Variants in ADH5 observed in about 807,000 individuals in gnomAD.
ADH5 encodes the protein alcohol dehydrogenase class-3.
Under a neutral mutation model 40.3 loss-of-function variants are expected in ADH5, and 32 were observed. The ratio of observed to expected loss-of-function variants is 0.79; its 90% CI spans 0.60 to 1.07. The LOEUF (loss-of-function observed/expected upper bound fraction) is 1.07, where lower values mean the gene tolerates loss of function less well. Ranked by LOEUF, ADH5 falls within the 50% of genes least tolerant of loss-of-function variation. The probability of loss-of-function intolerance (pLI) is 0.00; values close to 1 mark genes in which losing one functional copy is unlikely to be tolerated. For missense variants in ADH5, 353 were observed against 460.5 expected, an observed-to-expected ratio of 0.77 and a Z score of 2.14; for synonymous variants, 125 against 154.3, an observed-to-expected ratio of 0.81 and a Z score of 1.41.
rs1184687371 is a variant in ADH5, at chr4:99,071,322, A to G, written c.*1095T>C. On this transcript the variant is annotated 3_prime_UTR_variant, in exon 9 of 9. Coordinates refer to ENST00000296412, the MANE Select transcript of ADH5 (RefSeq NM_000671.4). ...AATTTGGCAATGTCTATAAGGCTAAATGTGTTTATTCTGTGATACGTCTTA... is the reference window on the plus strand; with the variant it reads ...AATTTGGCAATGTCTATAAGGCTAAGTGTGTTTATTCTGTGATACGTCTTA... 2.6e-5 allele frequency: 4 copies of G among 152,238 alleles called. No homozygotes were observed. Among genetic ancestry groups the G allele is most frequent in the Non-Finnish European group, 5.9e-5 (4 of 68,042 alleles). 9.4% of individuals were successfully genotyped at this position (152,238 alleles called of 1,614,324 possible).
chr4:99,075,170 T>A, intron 6 of ADH5, 121 bp from the exon 7 acceptor site: 1 of 789,344 alleles, frequency 1.3e-6, no homozygotes, highest in Non-Finnish European at 1.9e-6. Context: ...AGGCCAAACT[T>A]AACATTTAGT....
chr4:99,087,599 G>A (rs1154405), intron 1 of ADH5, among the ~76,000 whole-genome samples: 120,041 of 152,152 alleles, frequency 0.79, 47,917 homozygotes, highest in East Asian at 1. Flanking sequence ...ATGCAACATA[G>A]GAATCCAAAG....
chr4:99,087,436 T>A (rs1728168603), intron 1 of ADH5, among the ~76,000 whole-genome samples: 1 of 149,220 alleles, frequency 6.7e-6, no homozygotes, highest in Non-Finnish European at 1.5e-5. Flanking sequence ...ATTGGTGAGG[T>A]TGGAAATGTG....
At chr4:99,075,217 T>C in intron 6 of ADH5, 168 bp from the exon 7 acceptor site, 1 of 355,736 alleles carries the variant, frequency 2.8e-6, no homozygotes, top group Non-Finnish European at 4.1e-6. Context: ...ATTTTAATTT[T>C]TTTTGTTGTT....
rs188349916 is a variant in ADH5 at position 99,072,459 on chromosome 4, A to G, written c.1101-18T>C. 3.7e-6 allele frequency: 6 copies of G among 1,612,854 alleles called. No individual in the cohort carries two copies. The highest frequency in any genetic ancestry group is 3.3e-5 in the Admixed American group (2 of 59,958). ...TTCGAATGCTGTAAAAGGAAGCAAC[A>G]TACTAAGTTTTAAATGATACCTTTA... On this transcript the variant is annotated intron_variant, in intron 8 of 8. Coordinates refer to ENST00000296412, the MANE Select transcript of ADH5 (RefSeq NM_000671.4).
intron 2 of ADH5, among the ~76,000 whole-genome samples, chr4:99,084,374 A>T (rs1488880864): frequency 6.6e-6 from 1 of 152,232 alleles, no homozygotes; most frequent in Non-Finnish European, 1.5e-5. Flanking sequence ...TTCAAGGCTC[A>T]TTATAGGCTA....
intron 4 of ADH5, 62 bp from the exon 5 acceptor site, chr4:99,076,985 A>C: frequency 8.3e-7 from 1 of 1,204,118 alleles, no homozygotes; most frequent in Non-Finnish European, 1.2e-6. Context: ...CACAGGAAAA[A>C]GAAATGTTTT....
intron 2 of ADH5, among the ~76,000 whole-genome samples, chr4:99,082,458 TG>T (rs1207112830): frequency 6.6e-6 from 1 of 152,232 alleles, no homozygotes; most frequent in Non-Finnish European, 1.5e-5. Context: ...AACCATCGCC[TG>T]TGTGCAAAAC....
Position 99,076,929 on chromosome 4 carries a change from GAAAA to G in ADH5, c.345-10_345-7del, listed in dbSNP as rs753510568. 7.3e-5 allele frequency: 112 copies of G among 1,532,328 alleles called. No individual in the cohort carries two copies. Among genetic ancestry groups the G allele is most frequent in the Non-Finnish European group, 8.7e-5 (99 of 1,137,704 alleles). 94.9% of individuals were successfully genotyped at this position (1,532,328 alleles called of 1,614,324 possible). ...ATCCTTTCCCTTGAGTGACTCTAAA[GAAAA>G]AAAAAGGAAAAAGGCAAGTTGGAAT... On this transcript the variant is annotated splice_region_variant and splice_polypyrimidine_tract_variant and intron_variant, in intron 4 of 8. Transcript: ENST00000296412.
intron 4 of ADH5, among the ~76,000 whole-genome samples, chr4:99,081,019 G>T (rs909073748): frequency 6.6e-5 from 10 of 152,148 alleles, no homozygotes; most frequent in African/African-American, 2.4e-4. Flanking sequence ...TGAAGACTCT[G>T]TTTCTCTAGC....
intron 6 of ADH5, 22 bp downstream of exon 6, chr4:99,076,266 TAAAA>T: frequency 6.2e-7 from 1 of 1,602,872 alleles, no homozygotes; most frequent in Non-Finnish European, 8.5e-7. Context: ...TTCCATAAAC[TAAAA>T]AGGAATGAAG....
chr4:99,087,499 G>A (rs1050606780), intron 1 of ADH5, among the ~76,000 whole-genome samples: 1 of 152,004 alleles, frequency 6.6e-6, no homozygotes, highest in African/African-American at 2.4e-5. Flanking sequence ...ATAGTACAAA[G>A]AATCAGACAC....
intron 7 of ADH5, 92 bp downstream of exon 7, chr4:99,074,822 G>T: frequency 7.1e-7 from 1 of 1,400,102 alleles, no homozygotes; most frequent in East Asian, 2.4e-5. Context: ...GAAGATTCTT[G>T]TTAATATAAA....
chr4:99,076,925 T>C lies in ADH5; in HGVS notation c.345-2A>G. 1 of 1,590,136 alleles carries C rather than the reference T, an allele frequency of 6.3e-7. No individual in the cohort carries two copies. Among genetic ancestry groups the C allele is most frequent in the East Asian group, 2.2e-5 (1 of 44,664 alleles). On this transcript the variant is annotated splice_acceptor_variant, in intron 4 of 8. Coordinates refer to ENST00000296412, the MANE Select transcript of ADH5 (RefSeq NM_000671.4). LOFTEE classifies it high-confidence loss of function. ...ATTAATCCTTTCCCTTGAGTGACTCTAAAGAAAAAAAAAGGAAAAAGGCAA... is the reference window on the plus strand; with the variant it reads ...ATTAATCCTTTCCCTTGAGTGACTCCAAAGAAAAAAAAAGGAAAAAGGCAA...
At chr4:99,081,842 G>A in intron 3 of ADH5, 133 bp downstream of exon 3, 1 of 877,512 alleles carries the variant, frequency 1.1e-6, no homozygotes, top group Non-Finnish European at 1.7e-6. Context: ...TCCCAGATGA[G>A]GAATCAACTT....
rs1199821719 is a variant in ADH5, at chr4:99,081,390, T to C, written c.319A>G (p.Lys107Glu). Reference protein sequence around the residue: ...CGECKFCLNPKTNLCQKIRVT... With the variant: ...CGECKFCLNPETNLCQKIRVT... ...CTTATCTTCTGGCAAAGGTTAGTTTTAGGATTTAGACAAAATTTGCATTCT... is the reference window on the plus strand; with the variant it reads ...CTTATCTTCTGGCAAAGGTTAGTTTCAGGATTTAGACAAAATTTGCATTCT... The change falls in exon 4 of 9, where the codon AAA (lysine) becomes GAA (glutamate). Residue 107 changes from lysine to glutamate, a missense_variant. Coordinates refer to ENST00000296412, the MANE Select transcript of ADH5 (RefSeq NM_000671.4). 1 of 1,605,762 alleles carries C rather than the reference T, an allele frequency of 6.2e-7. No homozygotes were observed. The highest frequency in any genetic ancestry group is 2.2e-5 in the East Asian group (1 of 44,802).
intron 4 of ADH5, among the ~76,000 whole-genome samples, chr4:99,079,196 A>G (rs920823018): frequency 2.0e-5 from 3 of 152,204 alleles, no homozygotes; most frequent in Admixed American, 6.5e-5. Context: ...AGACATGTAT[A>G]AATAAGAATG....
Position 99,081,689 on chromosome 4 carries a change from C to T in ADH5, c.257-237G>A. The T allele has an allele frequency of 9.0e-6, 5 of 552,652 alleles. 1 individual carries two copies. The South Asian group carries it at 1.5e-4, about 16-fold the overall frequency. The allele number at this position is 552,652 out of a possible 1,614,324, so 34.2% of individuals were successfully genotyped here. A position where few individuals can be genotyped will look rare whatever the true frequency, so the allele number is the denominator to read the frequency against. ...AACTGAAGAACAATGAAGTTATATG[C>T]TTCAAAATCCTGCTTCATTGATGCA... On this transcript the variant is annotated intron_variant, in intron 3 of 8. Coordinates refer to ENST00000296412, the MANE Select transcript of ADH5 (RefSeq NM_000671.4).
At chr4:99,078,654 A>G (rs1727971967) in intron 4 of ADH5, among the ~76,000 whole-genome samples, 2 of 152,232 alleles carry the variant, frequency 1.3e-5, no homozygotes, top group South Asian at 4.1e-4. Context: ...CACCTGCCTC[A>G]GCCTCTCAAA....
Sources: allele counts gnomAD v4.1 joint callset (sites outside exome capture counted in the v4.1 genomes callset), GRCh38; gene constraint gnomAD v4.1.1; transcripts MANE v1.5; gene names NCBI Gene and HGNC (gene_info 2026-07-23, HGNC 2026-07-21).